The following SIK3 variants were observed in gnomAD, a reference collection of about 807,000 sequenced individuals.
The protein encoded by SIK3 is serine/threonine-protein kinase SIK3.
In SIK3, 28 loss-of-function variants were observed where a neutral mutation model predicts 144.2. That is an observed-to-expected ratio of 0.19 (90% CI 0.14 to 0.27). The LOEUF is 0.27. Among genes scored for constraint, SIK3 ranks in the 10% least tolerant of loss-of-function variants. The pLI, the probability that SIK3 is intolerant of heterozygous loss-of-function variation, is 1.00. For missense variants in SIK3, 1,319 were observed against 1,776.0 expected (o/e 0.74, Z 4.62); for synonymous variants, 686 against 676.3 (o/e 1.01, Z -0.22).
chr11:117,031,487 G>A (rs941087081), intron 1 of SIK3, among the ~76,000 whole-genome samples: 1 of 134,462 alleles, frequency 7.4e-6, no homozygotes, highest in African/African-American at 2.8e-5. Flanking sequence ...AATGGCCAAT[G>A]AATACAGCAT....
At chr11:117,074,012 C>T (rs1020299382) in intron 1 of SIK3, among the ~76,000 whole-genome samples, 1 of 152,272 alleles carries the variant, frequency 6.6e-6, no homozygotes, top group Middle Eastern at 3.4e-3. Flanking sequence ...AACTCCTGGG[C>T]TCCTACCTTA....
intron 1 of SIK3, among the ~76,000 whole-genome samples, chr11:116,982,616 A>T (rs957673714): frequency 6.6e-6 from 1 of 151,904 alleles, no homozygotes; most frequent in Admixed American, 6.6e-5. Flanking sequence ...CTAGTTCCAG[A>T]ACGTTATATG....
At chr11:117,073,253 C>T (rs1288843420) in intron 1 of SIK3, among the ~76,000 whole-genome samples, 2 of 152,180 alleles carry the variant, frequency 1.3e-5, no homozygotes, top group African/African-American at 4.8e-5. Flanking sequence ...TCAACATCTC[C>T]AATGCTCATT....
intron 1 of SIK3, among the ~76,000 whole-genome samples, chr11:117,061,153 A>G (rs933473044): frequency 3.3e-5 from 5 of 152,214 alleles, no homozygotes; most frequent in African/African-American, 1.2e-4. Context: ...AGGCTGAGGC[A>G]GGAAGATGGC....
rs1190254146 is a variant in SIK3 at position 116,899,554 on chromosome 11, C to T, written c.617-2237G>A. ...TTTATTCAAAAGGAAGAATATGCAA[C>T]TTATTTACAAACTGAAGCAAGAATG... On this transcript the variant is annotated intron_variant, in intron 4 of 24. Transcript: ENST00000445177. 6.6e-5 allele frequency among the ~76,000 whole-genome samples: 10 copies of T among 152,268 alleles called. No individual in the cohort carries two copies. The East Asian group carries it at 1.5e-3, about 23-fold the overall frequency.
intron 1 of SIK3, among the ~76,000 whole-genome samples, chr11:117,013,959 C>CTTTTTTTTTTTTTTT (rs1232857124): frequency 1.2e-4 from 1 of 8,248 alleles, no homozygotes; most frequent in Non-Finnish European, 2.9e-4. Context: ...TGTTTTATTT[C>CTTTTTTTTTTTTTTT]TTTTTTTCTT....
chr11:117,070,142 T>C lies in SIK3; in HGVS notation c.273+28001A>G, dbSNP rs1185582029. ...TCACAAGGAGAACTAGATGAGAAGC[T>C]ATGCAATGGTAACCTCAAATACAAC... is the stretch of plus-strand genomic sequence containing the variant. On this transcript the variant is annotated intron_variant, in intron 1 of 24. Coordinates refer to ENST00000445177, the MANE Select transcript of SIK3 (RefSeq NM_001366686.3). 3.9e-5 allele frequency among the ~76,000 whole-genome samples: 6 copies of C among 152,338 alleles called. No individual in the cohort carries two copies. In the South Asian group the frequency reaches 1.2e-3, roughly 32 times the overall value.
At chr11:116,975,091 G>A (rs376991664) in intron 1 of SIK3, among the ~76,000 whole-genome samples, 6 of 151,620 alleles carry the variant, frequency 4.0e-5, no homozygotes, top group African/African-American at 1.2e-4. Context: ...TATTTAGCCC[G>A]AACGAGGACA....
At chr11:116,954,139 G>A (rs374629353) in intron 2 of SIK3, 32 bp from the exon 3 acceptor site, 30 of 1,572,700 alleles carry the variant, frequency 1.9e-5, no homozygotes, top group Non-Finnish European at 2.2e-5. Flanking sequence ...GACAGACAGT[G>A]ACACAAATGA....
chr11:116,851,839 A>G (rs1382335099), intron 21 of SIK3, among the ~76,000 whole-genome samples: 1 of 152,272 alleles, frequency 6.6e-6, no homozygotes, highest in Non-Finnish European at 1.5e-5. Flanking sequence ...AAGTGGGGCA[A>G]CATGGTTGTG....
rs759711384 is a variant in SIK3 at position 116,849,141 on chromosome 11, G to C, written c.3798C>G (p.Ile1266Met). 1 of 1,608,242 alleles carries C rather than the reference G, an allele frequency of 6.2e-7. No homozygotes were observed. The highest frequency in any genetic ancestry group is 8.5e-7 in the Non-Finnish European group (1 of 1,176,074). The change falls in exon 22 of 25, where the codon ATC (isoleucine) becomes ATG (methionine). Residue 1266 changes from isoleucine to methionine, a missense_variant. Physicochemically the swap from Ile to Met is conservative, Grantham distance 10. Transcript: ENST00000445177. The surrounding 1 kb of genome is among the most constrained non-coding windows in gnomAD (Gnocchi z 4.2). The stretch of plus-strand genomic sequence containing the variant: ...ATACATAAGCATCGTCGCTGTTCTG[G>C]ATCGTGTGGTGTCTCTGGAGGGCCC... Reference protein sequence around the residue: ...RPRALQRHHTIQNSDDAYVQL... With the variant: ...RPRALQRHHTMQNSDDAYVQL...
chr11:117,032,897 T>C (rs554762554), intron 1 of SIK3, among the ~76,000 whole-genome samples: 1 of 152,296 alleles, frequency 6.6e-6, no homozygotes, highest in South Asian at 2.1e-4. Flanking sequence ...TAAAATATCT[T>C]ACCATAAATA....
chr11:116,946,577 T>A (rs1948600779), intron 3 of SIK3, among the ~76,000 whole-genome samples: 1 of 152,186 alleles, frequency 6.6e-6, no homozygotes, highest in Admixed American at 6.5e-5. Context: ...ACTATCTCTG[T>A]CTTTCAAGGG....
chr11:116,863,045 G>T (rs986127491), intron 16 of SIK3, among the ~76,000 whole-genome samples: 1 of 150,776 alleles, frequency 6.6e-6, no homozygotes, highest in African/African-American at 2.4e-5. Context: ...CTGCACTCCA[G>T]CCTGGGTGAC....
Position 116,949,596 on chromosome 11 carries a change from C to A in SIK3, c.454+4448G>T, listed in dbSNP as rs572405608. ...CTCCTAGGCTCGAGCCATCCTCCTG[C>A]CTGAATAGCTAGAATTACAGGTGTG... On this transcript the variant is annotated intron_variant, in intron 3 of 24. Coordinates refer to ENST00000445177, the MANE Select transcript of SIK3 (RefSeq NM_001366686.3). Among the ~76,000 whole-genome samples, 4 of 152,284 alleles carry A rather than the reference C, an allele frequency of 2.6e-5. No homozygotes were observed. The South Asian group carries it at 8.3e-4, about 32-fold the overall frequency.
intron 1 of SIK3, among the ~76,000 whole-genome samples, chr11:116,970,083 C>T (rs7949931): frequency 0.049 from 7,412 of 152,196 alleles, 602 homozygotes; most frequent in African/African-American, 0.17. Flanking sequence ...TCAGACCAGC[C>T]TAGGCAACAT....
At chr11:117,088,557 C>T (rs538085286) in intron 1 of SIK3, among the ~76,000 whole-genome samples, 4 of 152,216 alleles carry the variant, frequency 2.6e-5, no homozygotes, top group South Asian at 4.1e-4. Flanking sequence ...AGACATTGCA[C>T]GAAACATAAG....
At position 117,020,248 on chromosome 11, in the gene SIK3, C is replaced by CACAT. The variant is rs764839821; in HGVS notation, c.274-63188_274-63185dup. ...ATGTGTATATGTGCATATATATATA[C>CACAT]ACATACATATATCTCCATGGTTCCT... is the stretch of plus-strand genomic sequence containing the variant. On this transcript the variant is annotated intron_variant, in intron 1 of 24. Coordinates refer to ENST00000445177, the MANE Select transcript of SIK3 (RefSeq NM_001366686.3). Among the ~76,000 whole-genome samples the CACAT allele has an allele frequency of 6.6e-4, 66 of 100,734 alleles. No individual in the cohort carries two copies. The Middle Eastern group carries it at 0.014, about 21-fold the overall frequency. 66.1% of individuals were successfully genotyped at this position (100,734 alleles called of 152,430 possible).
In SIK3 at chr11:116,844,657, A is replaced by AATATATATATTATATATT. The variant is rs1941809834; in HGVS notation, c.*985_*986insAATATATAATATATATAT. ...ATATTATATTATATATTATATATAT[A>AATATATATATTATATATT]ATATATATATACACATATATTATAT... On this transcript the variant is annotated 3_prime_UTR_variant, in exon 25 of 25. Coordinates refer to ENST00000445177, the MANE Select transcript of SIK3 (RefSeq NM_001366686.3). 9.7e-6 allele frequency: 1 copy of AATATATATATTATATATT among 103,568 alleles called. No homozygotes were observed. The highest frequency in any genetic ancestry group is 1.8e-5 in the Non-Finnish European group (1 of 54,600). The allele number at this position is 103,568 out of a possible 1,614,324, so 6.4% of individuals were successfully genotyped here. A position where few individuals can be genotyped will look rare whatever the true frequency, so the allele number is the denominator to read the frequency against.
Sources: gnomAD v4.1 joint callset for allele counts (sites outside exome capture counted in the v4.1 genomes callset) on GRCh38, gnomAD v4.1.1 for gene constraint, Gnocchi (gnomAD v3.1) non-coding constraint, MANE v1.5 for transcripts, NCBI Gene and HGNC (gene_info 2026-07-23, HGNC 2026-07-21) for gene names.